The following NPAS3 variants were observed in gnomAD, a reference collection of about 807,000 sequenced individuals.
NPAS3 encodes the protein neuronal PAS domain-containing protein 3.
A neutral mutation model predicts 73.1 loss-of-function variants in NPAS3; 14 were observed. The ratio of observed to expected loss-of-function variants is 0.19; its 90% confidence interval spans 0.13 to 0.30. NPAS3 has a LOEUF of 0.30. Among genes scored for constraint, NPAS3 ranks in the 10% least tolerant of loss-of-function variants. The pLI is 1.00. For missense variants in NPAS3, 1,096 were observed against 1,250.0 expected (o/e 0.88, Z 1.86); for synonymous variants, 620 against 541.5 (o/e 1.14, Z -2.01).
At chr14:33,366,370 A>G (rs1351042596) in intron 3 of NPAS3, among the ~76,000 whole-genome samples, 2 of 152,122 alleles carry the variant, frequency 1.3e-5, no homozygotes, top group Non-Finnish European at 2.9e-5. Flanking sequence ...TCTGGATTCC[A>G]CAGTTATTAT....
chr14:33,636,649 AG>A (rs1243032681), intron 5 of NPAS3, among the ~76,000 whole-genome samples: 1 of 152,172 alleles, frequency 6.6e-6, no homozygotes, highest in Non-Finnish European at 1.5e-5. Flanking sequence ...TAAAGCATGG[AG>A]GTTTTGACCA....
chr14:33,716,593 C>T (rs986184264), intron 6 of NPAS3, among the ~76,000 whole-genome samples: 1 of 152,110 alleles, frequency 6.6e-6, no homozygotes, highest in Non-Finnish European at 1.5e-5. Context: ...CATCCTAAAC[C>T]GAAACCCTGT....
At chr14:33,314,704 C>T (rs2043139105) in intron 3 of NPAS3, among the ~76,000 whole-genome samples, 1 of 151,988 alleles carries the variant, frequency 6.6e-6, no homozygotes, top group Non-Finnish European at 1.5e-5. Flanking sequence ...ACACCTGGAC[C>T]TCCAGTTTCA....
chr14:33,702,152 G>T (rs1004509385), intron 6 of NPAS3, among the ~76,000 whole-genome samples: 1 of 152,232 alleles, frequency 6.6e-6, no homozygotes, highest in African/African-American at 2.4e-5. Flanking sequence ...TGTTAATTGT[G>T]ATGCTCTTTC....
chr14:33,638,741 A>G (rs775476580), intron 5 of NPAS3, among the ~76,000 whole-genome samples: 1 of 152,222 alleles, frequency 6.6e-6, no homozygotes, highest in Non-Finnish European at 1.5e-5. Context: ...AAGCCACGTA[A>G]CTGTTAGAGC....
intron 3 of NPAS3, among the ~76,000 whole-genome samples, chr14:33,232,279 G>A (rs1166745489): frequency 6.6e-6 from 1 of 152,174 alleles, no homozygotes; most frequent in Non-Finnish European, 1.5e-5. Context: ...AAGAGTGTGG[G>A]TGCTTTGGAC....
At chr14:33,464,724 G>C (rs1443205114) in intron 4 of NPAS3, among the ~76,000 whole-genome samples, 1 of 152,176 alleles carries the variant, frequency 6.6e-6, no homozygotes, top group Non-Finnish European at 1.5e-5. Flanking sequence ...ATTGTTCTTT[G>C]ATTTATGGTC....
intron 3 of NPAS3, among the ~76,000 whole-genome samples, chr14:33,262,345 G>T (rs1404938608): frequency 4.6e-5 from 7 of 152,132 alleles, no homozygotes; most frequent in Admixed American, 3.9e-4. Flanking sequence ...TCTACTTTTT[G>T]CTCCATTGTT....
At chr14:33,786,059 A>G (rs1005018300) in intron 9 of NPAS3, among the ~76,000 whole-genome samples, 3 of 152,212 alleles carry the variant, frequency 2.0e-5, no homozygotes, top group African/African-American at 7.2e-5. Context: ...GACCAAGCCT[A>G]AGCCACTCAC....
chr14:33,200,311 A>G (rs1159482213), intron 2 of NPAS3, among the ~76,000 whole-genome samples: 1 of 152,076 alleles, frequency 6.6e-6, no homozygotes, highest in Non-Finnish European at 1.5e-5. Context: ...GCCCCATAAA[A>G]TAGTAAGTTT....
chr14:33,162,584 T>A (rs1376442450), intron 2 of NPAS3, among the ~76,000 whole-genome samples: 8 of 152,206 alleles, frequency 5.3e-5, no homozygotes, highest in Non-Finnish European at 8.8e-5. Flanking sequence ...ATTCTTCTCA[T>A]GTTTGTGACT....
At chr14:33,714,580 A>G (rs952718577) in intron 6 of NPAS3, among the ~76,000 whole-genome samples, 1 of 152,242 alleles carries the variant, frequency 6.6e-6, no homozygotes, top group Non-Finnish European at 1.5e-5. Context: ...TAGGAAAATA[A>G]GAAAGGAAGA....
rs1046154288 is a variant in NPAS3 at position 33,295,874 on chromosome 14, G to A, written c.386-71312G>A. Among the ~76,000 whole-genome samples, 5 of 152,186 alleles carry A rather than the reference G, an allele frequency of 3.3e-5. No homozygotes were observed. The East Asian group carries it at 9.6e-4, about 29-fold the overall frequency. The stretch of plus-strand genomic sequence containing the variant: ...CAGACAGTCAGAATACAATGGGATG[G>A]AATTAGAAGACCTGTCTCTTTCAGC... On this transcript the variant is annotated intron_variant, in intron 3 of 11. Coordinates refer to ENST00000356141, the Ensembl canonical transcript of NPAS3.
At chr14:33,241,248 A>T (rs766967172) in intron 3 of NPAS3, among the ~76,000 whole-genome samples, 1 of 151,942 alleles carries the variant, frequency 6.6e-6, no homozygotes, top group Non-Finnish European at 1.5e-5. Context: ...CATTTTTTGC[A>T]TTCTAGACAG....
intron 3 of NPAS3, among the ~76,000 whole-genome samples, chr14:33,274,869 C>T (rs554255111): frequency 6.6e-6 from 1 of 152,130 alleles, no homozygotes; most frequent in Non-Finnish European, 1.5e-5. Context: ...TAAAGGGCTA[C>T]ATTTTTATAT....
At chr14:32,988,196 A>C (rs1201159938) in intron 1 of NPAS3, among the ~76,000 whole-genome samples, 1 of 152,142 alleles carries the variant, frequency 6.6e-6, no homozygotes, top group Non-Finnish European at 1.5e-5. Flanking sequence ...TTCTCCATTA[A>C]ATTATGGTTT....
At chr14:33,706,716 C>T (rs541909279) in intron 6 of NPAS3, among the ~76,000 whole-genome samples, 13 of 152,208 alleles carry the variant, frequency 8.5e-5, no homozygotes, top group African/African-American at 2.4e-4. Context: ...ATCCTAGGAG[C>T]GCAGATTATT....
intron 1 of NPAS3, among the ~76,000 whole-genome samples, chr14:33,049,291 G>T (rs1173688663): frequency 6.6e-6 from 1 of 152,134 alleles, no homozygotes; most frequent in Non-Finnish European, 1.5e-5. Flanking sequence ...AACATTTATT[G>T]TTGTCATTAT....
intron 2 of NPAS3, among the ~76,000 whole-genome samples, chr14:33,132,084 T>C (rs937536357): frequency 5.3e-5 from 8 of 152,076 alleles, no homozygotes; most frequent in Middle Eastern, 3.4e-3. Flanking sequence ...CTGTAAACAA[T>C]GTAGCAATTG....
Sources: allele counts gnomAD v4.1 joint callset (sites outside exome capture counted in the v4.1 genomes callset), GRCh38; gene constraint gnomAD v4.1.1; transcripts MANE v1.5; gene names NCBI Gene and HGNC (gene_info 2026-07-23, HGNC 2026-07-21).